The following ELF3 variants were observed in gnomAD, a reference collection of about 807,000 sequenced individuals.
ELF3 encodes the protein E74 like ETS transcription factor 3.
Under a neutral mutation model 43.9 loss-of-function variants are expected in ELF3, and 18 were observed. That is an observed-to-expected ratio of 0.41 (90% CI 0.28 to 0.61). The LOEUF is 0.61. ELF3 is among the 20% of genes least tolerant of loss of function. ELF3 has a pLI of 0.30. For synonymous variants in ELF3, 181 were observed against 190.2 expected, an observed-to-expected ratio of 0.95 and a Z score of 0.40; for missense variants, 373 against 487.7, an observed-to-expected ratio of 0.76 and a Z score of 2.21.
At position 202,012,382 on chromosome 1, in the gene ELF3, C is replaced by T. The variant is rs754773812; in HGVS notation, c.424C>T (p.Leu142=). The change falls in exon 4 of 9, where the codon CTG becomes TTG. Residue 142 remains leucine, a synonymous_variant. Coordinates refer to ENST00000367284, the MANE Select transcript of ELF3 (RefSeq NM_004433.5). This position sits in a 1 kb window ranked among gnomAD's most constrained non-coding sequence, Gnocchi z 4.2. ...TGATGAGCTCAGTTGGATCATTGAG[C>T]TGCTGGAGAAGGATGGCATGGCCTT... ...SSDELSWIIE[L]LEKDGMAFQE... 1.2e-6 allele frequency: 2 copies of T among 1,614,176 alleles called. No homozygotes were observed. The highest frequency in any genetic ancestry group is 1.7e-6 in the Non-Finnish European group (2 of 1,180,024).
At position 202,015,663 on chromosome 1, in the gene ELF3, A is replaced by T. The variant is rs1267800148; in HGVS notation, c.*340A>T. The T allele has an allele frequency of 3.4e-6, 1 of 290,288 alleles. No homozygotes were observed. The highest frequency in any genetic ancestry group is 6.7e-6 in the Non-Finnish European group (1 of 148,166). The allele number at this position is 290,288 out of a possible 1,614,324, so 18.0% of individuals were successfully genotyped here. A position where few individuals can be genotyped will look rare whatever the true frequency, so the allele number is the denominator to read the frequency against. On this transcript the variant is annotated 3_prime_UTR_variant, in exon 9 of 9. Coordinates refer to ENST00000367284, the MANE Select transcript of ELF3 (RefSeq NM_004433.5). Reference sequence around the variant, plus strand: ...TGCAGACACCTGGACTGAGCCAAGGAGGCCTGGGGAGGCCCTAGGGGAGCA... The same window carrying T: ...TGCAGACACCTGGACTGAGCCAAGGTGGCCTGGGGAGGCCCTAGGGGAGCA...
At position 202,015,362 on chromosome 1, in the gene ELF3, T is replaced by G; in HGVS notation, c.*39T>G. 6.2e-7 allele frequency: 1 copy of G among 1,604,266 alleles called. No individual in the cohort carries two copies. Among genetic ancestry groups the G allele is most frequent in the Non-Finnish European group, 8.5e-7 (1 of 1,173,572 alleles). ...ACCCGGGACCAAACTCACGGACCAC[T>G]CGAGGCCTGCAAACCTTCCTGGGAG... is the stretch of plus-strand genomic sequence containing the variant. On this transcript the variant is annotated 3_prime_UTR_variant, in exon 9 of 9. Coordinates refer to ENST00000367284, the MANE Select transcript of ELF3 (RefSeq NM_004433.5).
chr1:202,011,946 G>A lies in ELF3; in HGVS notation c.164-11G>A. On this transcript the variant is annotated splice_polypyrimidine_tract_variant and intron_variant, in intron 2 of 8. Coordinates refer to ENST00000367284, the MANE Select transcript of ELF3 (RefSeq NM_004433.5). ...CTGAGCTGAGCCTGTTTCCCTGCCT[G>A]GCCCTTGCAGAGAAGGCCAGCTGGT... 2 of 1,612,906 alleles carry A rather than the reference G, an allele frequency of 1.2e-6. No homozygotes were observed.
intron 1 of ELF3, 107 bp from the exon 2 acceptor site, chr1:202,011,022 C>A: frequency 7.8e-7 from 1 of 1,290,028 alleles, no homozygotes; most frequent in Non-Finnish European, 1.1e-6. Flanking sequence ...TCTTCCTGCC[C>A]CTGGGGGCTA....
chr1:202,011,582 G>T, intron 2 of ELF3: 1 of 479,958 alleles, frequency 2.1e-6, no homozygotes, highest in Admixed American at 3.9e-5. Context: ...CAGGAATGGG[G>T]CTGTGTGGGC....
rs1433358160 is a variant in ELF3, at chr1:202,012,652, C to G, written c.491C>G (p.Pro164Arg). 2 of 1,605,684 alleles carry G rather than the reference C, an allele frequency of 1.2e-6. No homozygotes were observed. Among genetic ancestry groups the G allele is most frequent in the African/African-American group, 1.3e-5 (1 of 74,828 alleles). The change falls in exon 5 of 9, where the codon CCC becomes CGC. Residue 164 changes from proline (P) to arginine (R), a missense_variant. Physicochemically the swap from Pro to Arg is moderately radical, Grantham distance 103 (BLOSUM62 -2). Around this residue, in one of 3 missense-constraint regions of ELF3, gnomAD observed 311 missense variants for 351.2 expected, o/e 0.89. Coordinates refer to ENST00000367284, the MANE Select transcript of ELF3 (RefSeq NM_004433.5). The surrounding 1 kb of genome is among the most constrained non-coding windows in gnomAD (Gnocchi z 4.2). ...LDPGPFDQGS[P>R]FAQELLDDGQ... Reference sequence around the variant, plus strand: ...CTCCTCTTCCCAGACCAGGGCAGCCCCTTTGCCCAGGAGCTGCTGGACGAC... The same window carrying G: ...CTCCTCTTCCCAGACCAGGGCAGCCGCTTTGCCCAGGAGCTGCTGGACGAC...
chr1:202,011,311 C>T lies in ELF3; in HGVS notation c.163+12C>T, dbSNP rs755003687. On this transcript the variant is annotated intron_variant, in intron 2 of 8. Transcript: ENST00000367284. ...ATTGGAGGGTACAGGTGGGTCTCAG[C>T]GGGGTGGGATGGGGCACGGAGTGGG... 1.0e-5 allele frequency: 16 copies of T among 1,548,968 alleles called. No individual in the cohort carries two copies. The East Asian group carries it at 1.9e-4, about 18-fold the overall frequency.
chr1:202,012,311 G>C lies in ELF3; in HGVS notation c.386-33G>C. The C allele has an allele frequency of 6.2e-7, 1 of 1,612,732 alleles. No individual in the cohort carries two copies. The highest frequency in any genetic ancestry group is 8.5e-7 in the Non-Finnish European group (1 of 1,179,192). ...GAGAGAGCCCTTGAGGGAGGGATTA[G>C]GGGAGTGTGACCCTTCCTTCCTTCC... On this transcript the variant is annotated intron_variant, in intron 3 of 8. Transcript: ENST00000367284. The surrounding 1 kb of genome is among the most constrained non-coding windows in gnomAD (Gnocchi z 4.2).
chr1:202,013,288 G>C lies in ELF3; in HGVS notation c.795G>C (p.Lys265Asn). ...KEYWDCLEGK[K>N]SKHAPRGTHL... is the part of the protein sequence containing the mutation. ...ACTGGGACTGTCTCGAGGGCAAGAAGAGCAAGCACGGTGAGCTCCGGGGGC... is the reference window on the plus strand; with the variant it reads ...ACTGGGACTGTCTCGAGGGCAAGAACAGCAAGCACGGTGAGCTCCGGGGGC... Residue 265 changes from lysine (K) to asparagine (N), a missense_variant, in exon 7 of 9, where the codon AAG becomes AAC. Lys to Asn is a moderately conservative substitution (Grantham distance 94). This residue lies in a region of ELF3 where 311 missense variants were observed against 351.2 expected (regional missense o/e 0.89). Coordinates refer to ENST00000367284, the MANE Select transcript of ELF3 (RefSeq NM_004433.5). This position sits in a 1 kb window ranked among gnomAD's most constrained non-coding sequence, Gnocchi z 5.7. 2 of 1,613,658 alleles carry C rather than the reference G, an allele frequency of 1.2e-6. No individual in the cohort carries two copies. The highest frequency in any genetic ancestry group is 4.5e-5 in the East Asian group (2 of 44,862).
intron 8 of ELF3, among the ~76,000 whole-genome samples, chr1:202,014,498 G>T (rs1684274707): frequency 6.6e-6 from 1 of 152,022 alleles, no homozygotes; most frequent in Admixed American, 6.6e-5. Flanking sequence ...TCTCTACGTT[G>T]GCCAGGCCGG....
rs1473668462 is a variant in ELF3, at chr1:202,013,872, C to T, written c.849C>T (p.Leu283=). 14 of 1,613,902 alleles carry T rather than the reference C, an allele frequency of 8.7e-6. No individual in the cohort carries two copies. Among genetic ancestry groups the T allele is most frequent in the Non-Finnish European group, 1.2e-5 (14 of 1,179,942 alleles). The change falls in exon 8 of 9, where the codon CTC becomes CTT. Residue 283 remains leucine, a synonymous_variant. Transcript: ENST00000367284. This position sits in a 1 kb window ranked among gnomAD's most constrained non-coding sequence, Gnocchi z 5.7. ...TGTGGGAGTTCATCCGGGACATCCT[C>T]ATCCACCCGGAGCTCAACGAGGGCC... ...THLWEFIRDI[L]IHPELNEGLM... is the part of the protein sequence containing the mutation.
chr1:202,011,377 T>C lies in ELF3; in HGVS notation c.163+78T>C, dbSNP rs1313980247. The C allele has an allele frequency of 3.4e-6, 5 of 1,473,608 alleles. No individual in the cohort carries two copies. The African/African-American group carries it at 5.8e-5, about 17-fold the overall frequency. The allele number at this position is 1,473,608 out of a possible 1,614,324, so 91.3% of individuals were successfully genotyped here. A position where few individuals can be genotyped will look rare whatever the true frequency, so the allele number is the denominator to read the frequency against. On this transcript the variant is annotated intron_variant, in intron 2 of 8. Coordinates refer to ENST00000367284, the MANE Select transcript of ELF3 (RefSeq NM_004433.5). Reference sequence around the variant, plus strand: ...AGGGCCTGTTAGACAAATGGGGGAATAGGCAGGGAGGAGGGTCTCTAGGCA... The same window carrying C: ...AGGGCCTGTTAGACAAATGGGGGAACAGGCAGGGAGGAGGGTCTCTAGGCA...
At chr1:202,011,080 A>T in intron 1 of ELF3, 49 bp from the exon 2 acceptor site, 1 of 1,597,202 alleles carries the variant, frequency 6.3e-7, no homozygotes, top group Non-Finnish European at 8.6e-7. Flanking sequence ...GTGTAAGGAG[A>T]GGACCCTCGT....
rs1238706765 is a variant in ELF3, at chr1:202,012,479, C to T, written c.478+43C>T. ...CCTTCCTTCCCCAGCCTGTCTTGTC[C>T]CATCCCTGCCCCTCCACAGAGTGCT... is the stretch of plus-strand genomic sequence containing the variant. On this transcript the variant is annotated intron_variant, in intron 4 of 8. Transcript: ENST00000367284. This position sits in a 1 kb window ranked among gnomAD's most constrained non-coding sequence, Gnocchi z 4.2. 6.2e-7 allele frequency: 1 copy of T among 1,606,286 alleles called. No individual in the cohort carries two copies. The highest frequency in any genetic ancestry group is 1.1e-5 in the South Asian group (1 of 89,980).
intron 8 of ELF3, among the ~76,000 whole-genome samples, chr1:202,014,601 TTTC>T (rs368654204): frequency 2.0e-4 from 31 of 151,980 alleles, no homozygotes; most frequent in African/African-American, 6.5e-4. Flanking sequence ...CCTTTTCTTT[TTTC>T]TTCTTCTTCT....
chr1:202,013,124 G>C lies in ELF3; in HGVS notation c.689-58G>C. 6.2e-7 allele frequency: 1 copy of C among 1,605,936 alleles called. No homozygotes were observed. The highest frequency in any genetic ancestry group is 2.2e-5 in the East Asian group (1 of 44,798). On this transcript the variant is annotated intron_variant, in intron 6 of 8. Coordinates refer to ENST00000367284, the MANE Select transcript of ELF3 (RefSeq NM_004433.5). The surrounding 1 kb of genome is among the most constrained non-coding windows in gnomAD (Gnocchi z 5.7). The stretch of plus-strand genomic sequence containing the variant: ...TCCTGCAGCCTTTTCCTGTAGAGGG[G>C]CTACTCTCCCTAACTCCCCTCTTGC...
chr1:202,013,251 T>G lies in ELF3; in HGVS notation c.758T>G (p.Leu253Arg). 1.9e-6 allele frequency: 3 copies of G among 1,614,072 alleles called. No individual in the cohort carries two copies. The highest frequency in any genetic ancestry group is 2.5e-6 in the Non-Finnish European group (3 of 1,180,018). The stretch of plus-strand genomic sequence containing the variant: ...CGGAAACGAGGCCGGCCCCGAAAGC[T>G]GAGCAAAGAGTACTGGGACTGTCTC... ...GKRKRGRPRKLSKEYWDCLEG... is the reference protein window; with the variant it reads ...GKRKRGRPRKRSKEYWDCLEG... Residue 253 changes from leucine to arginine, a missense_variant, in exon 7 of 9, where the codon CTG (leucine) becomes CGG (arginine). Coordinates refer to ENST00000367284, the MANE Select transcript of ELF3 (RefSeq NM_004433.5). This position sits in a 1 kb window ranked among gnomAD's most constrained non-coding sequence, Gnocchi z 5.7.
chr1:202,011,039 C>A, intron 1 of ELF3, 90 bp from the exon 2 acceptor site: 2 of 1,481,606 alleles, frequency 1.3e-6, no homozygotes, highest in East Asian at 2.3e-5. Flanking sequence ...GCTACTCTTG[C>A]CCAGGGTTGG....
rs1684218762 is a variant in ELF3 at position 202,012,257 on chromosome 1, C to T, written c.385+79C>T. The T allele has an allele frequency of 6.2e-7, 1 of 1,606,420 alleles. No individual in the cohort carries two copies. Among genetic ancestry groups the T allele is most frequent in the East Asian group, 2.2e-5 (1 of 44,768 alleles). ...GAGTTCAGTGTGGCCGTAGGCAGGC[C>T]CTGGAGCTCTGGGCCAGCTGCACAG... On this transcript the variant is annotated intron_variant, in intron 3 of 8. Transcript: ENST00000367284. The surrounding 1 kb of genome is among the most constrained non-coding windows in gnomAD (Gnocchi z 4.2).
Sources: allele counts gnomAD v4.1 joint callset (sites outside exome capture counted in the v4.1 genomes callset), GRCh38; gene constraint gnomAD v4.1.1; regional missense constraint gnomAD v4.1.1; non-coding constraint Gnocchi (gnomAD v3.1); transcripts MANE v1.5; gene names NCBI Gene and HGNC (gene_info 2026-07-23, HGNC 2026-07-21).